Variants in ECI2 observed in about 807,000 individuals in gnomAD.
The protein encoded by ECI2 is D3,D2-enoyl-CoA isomerase.
A neutral mutation model predicts 38.4 loss-of-function variants in ECI2; 27 were observed. That is an observed-to-expected ratio of 0.70 (90% CI 0.52 to 0.97). The LOEUF is 0.97. ECI2 is among the 50% of genes least tolerant of loss of function. ECI2 has a pLI of 0.00. For synonymous variants in ECI2, 168 were observed against 172.0 expected (o/e 0.98, Z 0.18); for missense variants, 470 against 474.4 (o/e 0.99, Z 0.09).
intron 1 of ECI2, 71 bp downstream of exon 1, chr6:4,135,440 C>T (rs1773677633): frequency 3.1e-6 from 5 of 1,604,582 alleles, no homozygotes; most frequent in Admixed American, 1.7e-5. Flanking sequence ...CTTCCAACGG[C>T]GGCGACCTTC....
chr6:4,117,211 G>A, intron 9 of ECI2, 97 bp downstream of exon 9: 1 of 1,441,972 alleles, frequency 6.9e-7, no homozygotes, highest in Non-Finnish European at 9.3e-7. Flanking sequence ...CTAAAGATGT[G>A]TCTTGTGCTT....
chr6:4,121,757 T>C (rs1772787112), intron 7 of ECI2, among the ~76,000 whole-genome samples: 1 of 151,964 alleles, frequency 6.6e-6, no homozygotes, highest in Non-Finnish European at 1.5e-5. Flanking sequence ...TATGAAAGAA[T>C]GTTAATTTAA....
In ECI2 at chr6:4,119,253, C is replaced by A. The variant is rs1344398785; in HGVS notation, c.818G>T (p.Ser273Ile). Residue 273 changes from serine (S) to isoleucine (I), a missense_variant, in exon 8 of 10, where the codon AGT (serine) becomes ATT (isoleucine). By Grantham distance (142) the Ser-to-Ile change is moderately radical (BLOSUM62 -2). Transcript: ENST00000380118. The stretch of plus-strand genomic sequence containing the variant: ...TCCTTCCGGACTTTGGCCTAGGTGA[C>A]TAAATGGTGTATGAAATGTTGCCTG... ...SDRATFHTPF[S>I]HLGQSPEGCS... The A allele has an allele frequency of 6.2e-7, 1 of 1,612,878 alleles. No individual in the cohort carries two copies. Among genetic ancestry groups the A allele is most frequent in the Non-Finnish European group, 8.5e-7 (1 of 1,179,578 alleles).
At chr6:4,135,207 G>T in intron 1 of ECI2, 1 of 796,052 alleles carries the variant, frequency 1.3e-6, no homozygotes, top group South Asian at 1.4e-5. Flanking sequence ...CACCCGCCCG[G>T]AGTCCGGCCC....
chr6:4,119,035 T>C (rs1772478244), intron 8 of ECI2, 151 bp downstream of exon 8: 7 of 622,148 alleles, frequency 1.1e-5, no homozygotes, highest in East Asian at 3.0e-5. Context: ...GATTCCTCCA[T>C]TGGTAAAACT....
rs531022104 is a variant in ECI2 at position 4,127,006 on chromosome 6, A to T, written c.571+756T>A. Among the ~76,000 whole-genome samples the T allele has an allele frequency of 4.6e-5, 7 of 152,258 alleles. No individual in the cohort carries two copies. The East Asian group carries it at 1.2e-3, about 25-fold the overall frequency. On this transcript the variant is annotated intron_variant, in intron 5 of 9. Coordinates refer to ENST00000380118, the MANE Select transcript of ECI2 (RefSeq NM_206836.3). The stretch of plus-strand genomic sequence containing the variant: ...CCTGCTCCAAGGCAATCACTTTCTG[A>T]CTTCAATTTCCACAGAGAAGAACTT...
intron 1 of ECI2, 177 bp downstream of exon 1, chr6:4,135,334 G>C: frequency 1.4e-6 from 2 of 1,468,974 alleles, no homozygotes; most frequent in Non-Finnish European, 1.8e-6. Flanking sequence ...AGCGGTGCAG[G>C]AGGGCGCGCG....
In ECI2 at chr6:4,117,595, C is replaced by T. The variant is rs538442638; in HGVS notation, c.886-144G>A. 2.7e-6 allele frequency: 3 copies of T among 1,129,322 alleles called. No individual in the cohort carries two copies. The South Asian group carries it at 5.4e-5, about 20-fold the overall frequency. The allele number at this position is 1,129,322 out of a possible 1,614,324, so 70.0% of individuals were successfully genotyped here. A position where few individuals can be genotyped will look rare whatever the true frequency, so the allele number is the denominator to read the frequency against. On this transcript the variant is annotated intron_variant, in intron 8 of 9. Transcript: ENST00000380118. ...TCTCAGTAAGGGAGAAGCTGATGACCTCAATAGGCAACGGTTTGCAAACTG... is the reference window on the plus strand; with the variant it reads ...TCTCAGTAAGGGAGAAGCTGATGACTTCAATAGGCAACGGTTTGCAAACTG...
Position 4,125,259 on chromosome 6 carries a change from T to C in ECI2, c.786A>G (p.Ala262=), listed in dbSNP as rs139545999. 25 of 1,614,026 alleles carry C rather than the reference T, an allele frequency of 1.5e-5. No individual in the cohort carries two copies. Among genetic ancestry groups the C allele is most frequent in the East Asian group, 4.5e-5 (2 of 44,894 alleles). ...CTAGGAGCTGACTTACCCTGTCAGA[T>C]GCATACACGGCATCGAATAGCCCAA... ...TLLGLFDAVY[A]SDRATFHTPF... is the part of the protein sequence containing the mutation. The change falls in exon 7 of 10, where the codon GCA becomes GCG. Residue 262 remains alanine (A), a synonymous_variant. Transcript: ENST00000380118.
Position 4,119,371 on chromosome 6 carries a change from A to G in ECI2, c.796-96T>C, listed in dbSNP as rs903081395. 24 of 940,684 alleles carry G rather than the reference A, an allele frequency of 2.6e-5. No individual in the cohort carries two copies. The African/African-American group carries it at 3.8e-4, about 15-fold the overall frequency. The allele number at this position is 940,684 out of a possible 1,614,324, so 58.3% of individuals were successfully genotyped here. A position where few individuals can be genotyped will look rare whatever the true frequency, so the allele number is the denominator to read the frequency against. On this transcript the variant is annotated intron_variant, in intron 7 of 9. Transcript: ENST00000380118. Reference sequence around the variant, plus strand: ...GGTTTCGCTCTTTTGCCCAGGCTGCAGTGAAGTGGCGCGATCTCGGCTCAC... The same window carrying G: ...GGTTTCGCTCTTTTGCCCAGGCTGCGGTGAAGTGGCGCGATCTCGGCTCAC...
chr6:4,125,062 G>A, intron 7 of ECI2, 188 bp downstream of exon 7: 1 of 942,370 alleles, frequency 1.1e-6, no homozygotes, highest in East Asian at 2.7e-5. Flanking sequence ...ACAACAAAAT[G>A]CAAGTTAATA....
At chr6:4,126,059 C>A (rs1051864244) in intron 6 of ECI2, 76 bp downstream of exon 6, 1 of 1,210,864 alleles carries the variant, frequency 8.3e-7, no homozygotes, top group East Asian at 2.3e-5. Context: ...AGATATTGCA[C>A]TTTTGCTCAA....
chr6:4,134,270 C>A (rs1773625578), intron 1 of ECI2, among the ~76,000 whole-genome samples: 1 of 152,130 alleles, frequency 6.6e-6, no homozygotes, highest in Admixed American at 6.5e-5. Context: ...GCTGGCATTC[C>A]AGATAGAGCC....
At chr6:4,117,269 C>T in intron 9 of ECI2, 39 bp downstream of exon 9, 1 of 1,549,748 alleles carries the variant, frequency 6.5e-7, no homozygotes, top group Non-Finnish European at 8.7e-7. Context: ...CTTAGGAAAT[C>T]ATTTTCAAGG....
At chr6:4,116,306 G>A (rs948612308) in intron 9 of ECI2, among the ~76,000 whole-genome samples, 15 of 151,798 alleles carry the variant, frequency 9.9e-5, no homozygotes, top group East Asian at 3.9e-4. Context: ...AGCTGAGATC[G>A]CACCATTGCA....
chr6:4,119,151 C>T, intron 8 of ECI2, 35 bp downstream of exon 8: 1 of 1,535,068 alleles, frequency 6.5e-7, no homozygotes, highest in Non-Finnish European at 8.9e-7. Context: ...TGAGATGACT[C>T]ATAAAATTTT....
At chr6:4,134,891 T>C (rs1773654772) in intron 1 of ECI2, among the ~76,000 whole-genome samples, 1 of 152,056 alleles carries the variant, frequency 6.6e-6, no homozygotes, top group Admixed American at 6.5e-5. Flanking sequence ...TTTAAGAAAA[T>C]ACATAAAGTC....
chr6:4,132,114 G>A (rs1432932684), intron 2 of ECI2, among the ~76,000 whole-genome samples: 1 of 152,180 alleles, frequency 6.6e-6, no homozygotes, highest in African/African-American at 2.4e-5. Context: ...AGAACTCACT[G>A]CAAGCTGTTA....
intron 6 of ECI2, 54 bp from the exon 7 acceptor site, chr6:4,125,424 G>C: frequency 1.2e-6 from 2 of 1,607,364 alleles, no homozygotes; most frequent in South Asian, 1.1e-5. Flanking sequence ...CATGACTAAA[G>C]CATGGGCAAG....
Sources: gnomAD v4.1 joint callset for allele counts (sites outside exome capture counted in the v4.1 genomes callset) on GRCh38, gnomAD v4.1.1 for gene constraint, MANE v1.5 for transcripts, NCBI Gene and HGNC (gene_info 2026-07-23, HGNC 2026-07-21) for gene names.